Variants in DBN1 observed in about 807,000 individuals in gnomAD.
The protein encoded by DBN1 is drebrin 1.
DBN1 carries 21 observed loss-of-function variants against 83.5 expected under a neutral mutation model. The observed-to-expected ratio is 0.25, with a 90% confidence interval of 0.18 to 0.36. DBN1 has a LOEUF of 0.36. Among genes scored for constraint, DBN1 ranks in the 10% least tolerant of loss-of-function variants. DBN1 has a pLI of 1.00. For synonymous variants in DBN1, 381 were observed against 384.9 expected (o/e 0.99, Z 0.12); for missense variants, 874 against 935.7 (o/e 0.93, Z 0.86).
At position 177,458,140 on chromosome 5, in the gene DBN1, G is replaced by A. The variant is rs1392786253; in HGVS notation, c.1832C>T (p.Ala611Val). 6.2e-6 allele frequency: 10 copies of A among 1,613,220 alleles called. No individual in the cohort carries two copies. The highest frequency in any genetic ancestry group is 8.5e-6 in the Non-Finnish European group (10 of 1,179,750). ...AAPQTPTLPS[A>V]LEELEQEQEP... The stretch of plus-strand genomic sequence containing the variant: ...CTGCTCTTGCTCCAGCTCCTCAAGG[G>A]CTGAGGGCAGAGTTGGGGTCTGGGG... Residue 611 changes from alanine to valine, a missense_variant, in exon 13 of 15, where the codon GCC (alanine) becomes GTC (valine). Coordinates refer to ENST00000393565, the MANE Select transcript of DBN1 (RefSeq NM_001363541.2).
Position 177,467,338 on chromosome 5 carries a change from G to A in DBN1, c.478-6C>T, listed in dbSNP as rs575566723. On this transcript the variant is annotated splice_region_variant and splice_polypyrimidine_tract_variant and intron_variant, in intron 5 of 14. Coordinates refer to ENST00000393565, the MANE Select transcript of DBN1 (RefSeq NM_001363541.2). The surrounding 1 kb of genome is among the most constrained non-coding windows in gnomAD (Gnocchi z 9.1). ...GTCTTCTGGTAGGTGGTGCCCTGCA[G>A]TGTCGAAGGACCCAGCATAAGCAGG... The A allele has an allele frequency of 3.1e-6, 5 of 1,614,198 alleles. No individual in the cohort carries two copies. Among genetic ancestry groups the A allele is most frequent in the Admixed American group, 1.7e-5 (1 of 60,034 alleles).
intron 8 of DBN1, chr5:177,462,484 C>T (rs1476376971): frequency 1.2e-5 from 10 of 805,402 alleles, no homozygotes; most frequent in South Asian, 5.7e-5. Flanking sequence ...GCTTCCACCA[C>T]GATGACACCA....
chr5:177,462,199 C>G, intron 8 of DBN1: 1 of 984,986 alleles, frequency 1.0e-6, no homozygotes, highest in Non-Finnish European at 1.2e-6. Context: ...AACACCACCC[C>G]CTGCCGGCCC....
Position 177,466,873 on chromosome 5 carries a change from C to G in DBN1, c.707+38G>C, listed in dbSNP as rs751425088. On this transcript the variant is annotated intron_variant, in intron 7 of 14. Coordinates refer to ENST00000393565, the MANE Select transcript of DBN1 (RefSeq NM_001363541.2). This position sits in a 1 kb window ranked among gnomAD's most constrained non-coding sequence, Gnocchi z 4.8. ...GCAGCCAGCACCCGTCAGGGTGCGC[C>G]CGGGGGCCCCTGGAGCGCTCCGGGC... 13 of 1,613,666 alleles carry G rather than the reference C, an allele frequency of 8.1e-6. No homozygotes were observed. The highest frequency in any genetic ancestry group is 2.7e-5 in the African/African-American group (2 of 74,890).
chr5:177,459,067 A>T, intron 12 of DBN1, 31 bp downstream of exon 12: 1 of 1,572,138 alleles, frequency 6.4e-7, no homozygotes, highest in Admixed American at 1.9e-5. Flanking sequence ...TGATGATGGG[A>T]GGCCTGGTGC....
chr5:177,464,708 G>A (rs185699545), intron 8 of DBN1, among the ~76,000 whole-genome samples: 5 of 152,092 alleles, frequency 3.3e-5, no homozygotes, highest in East Asian at 1.9e-4. Context: ...TTGTGAGGCC[G>A]GCGGGTGGAT....
chr5:177,464,965 T>C (rs183952962), intron 8 of DBN1, among the ~76,000 whole-genome samples: 8 of 150,462 alleles, frequency 5.3e-5, no homozygotes, highest in East Asian at 3.9e-4. Context: ...CCACCCTGGC[T>C]AACATGGTGA....
At position 177,467,558 on chromosome 5, in the gene DBN1, A is replaced by C. The variant is rs755979777; in HGVS notation, c.400T>G (p.Ser134Ala). The C allele has an allele frequency of 1.9e-6, 3 of 1,565,296 alleles. No homozygotes were observed. In the African/African-American group the frequency reaches 4.1e-5, roughly 21 times the overall value. ...CTGGAGAGTCGCGCCAGCCCGTTAG[A>C]GAGCCGCTGCCCGATGGCACCCGCG... ...IDAGAIGQRLSNGLARLSSPV... is the reference protein window; with the variant it reads ...IDAGAIGQRLANGLARLSSPV... Residue 134 changes from serine (S) to alanine (A), a missense_variant, in exon 5 of 15, where the codon TCT becomes GCT. By Grantham distance (99) the Ser-to-Ala change is moderately conservative. This residue lies in a region of DBN1 where 65 missense variants were observed against 97.3 expected (regional missense o/e 0.67). Transcript: ENST00000393565. This position sits in a 1 kb window ranked among gnomAD's most constrained non-coding sequence, Gnocchi z 9.1.
intron 2 of DBN1, chr5:177,468,596 T>C: frequency 4.6e-6 from 2 of 430,810 alleles, no homozygotes; most frequent in Non-Finnish European, 8.2e-6. Context: ...CCCAGCTGTG[T>C]GGCTTCAGAT....
chr5:177,466,142 C>A lies in DBN1; in HGVS notation c.771+630G>T, dbSNP rs1757428350. 6.6e-6 allele frequency among the ~76,000 whole-genome samples: 1 copy of A among 152,158 alleles called. No homozygotes were observed. Among genetic ancestry groups the A allele is most frequent in the Admixed American group, 6.5e-5 (1 of 15,280 alleles). On this transcript the variant is annotated intron_variant, in intron 8 of 14. Transcript: ENST00000393565. This position sits in a 1 kb window ranked among gnomAD's most constrained non-coding sequence, Gnocchi z 4.8. Reference sequence around the variant, plus strand: ...CAGCCATGCATCTGCCCATTACAGTCCCAATCCAGATGAGTATCAACCCAC... The same window carrying A: ...CAGCCATGCATCTGCCCATTACAGTACCAATCCAGATGAGTATCAACCCAC...
At chr5:177,464,207 G>A (rs1757246194) in intron 8 of DBN1, among the ~76,000 whole-genome samples, 2 of 150,324 alleles carry the variant, frequency 1.3e-5, no homozygotes, top group South Asian at 4.2e-4. Context: ...CAGGACTTTG[G>A]GAGGCCGAGA....
intron 8 of DBN1, among the ~76,000 whole-genome samples, chr5:177,465,889 T>C (rs1040892943): frequency 1.3e-5 from 2 of 151,410 alleles, no homozygotes; most frequent in Non-Finnish European, 2.9e-5. Context: ...AATCAACTTA[T>C]GAAAAAAAGA....
chr5:177,468,045 CG>C (rs1195542864), intron 3 of DBN1, 62 bp downstream of exon 3: 771 of 685,278 alleles, frequency 1.1e-3, no homozygotes, highest in Non-Finnish European at 1.3e-3. Flanking sequence ...CAGCCCCGGC[CG>C]CATACCCAGT....
Position 177,467,499 on chromosome 5 carries a change from A to T in DBN1, c.459T>A (p.Asp153Glu). 2 of 1,583,952 alleles carry T rather than the reference A, an allele frequency of 1.3e-6. No homozygotes were observed. The highest frequency in any genetic ancestry group is 1.7e-6 in the Non-Finnish European group (2 of 1,164,474). ...PVLHRLRLREDENAEPVGTTY... is the reference protein window; with the variant it reads ...PVLHRLRLREEENAEPVGTTY... ...CACTAACCACGGGCTCTGCGTTCTCATCCTCTCGCAGCCGCAGTCGGTGCA... is the reference window on the plus strand; with the variant it reads ...CACTAACCACGGGCTCTGCGTTCTCTTCCTCTCGCAGCCGCAGTCGGTGCA... The change falls in exon 5 of 15, where the codon GAT (aspartate) becomes GAA (glutamate). Residue 153 changes from aspartate (D) to glutamate (E), a missense_variant. Asp to Glu is a conservative substitution (Grantham distance 45). Coordinates refer to ENST00000393565, the MANE Select transcript of DBN1 (RefSeq NM_001363541.2). The surrounding 1 kb of genome is among the most constrained non-coding windows in gnomAD (Gnocchi z 9.1).
At chr5:177,457,889 G>C (rs761958205) in intron 13 of DBN1, 132 bp from the exon 14 acceptor site, 3 of 1,107,270 alleles carry the variant, frequency 2.7e-6, no homozygotes, top group Non-Finnish European at 4.0e-6. Flanking sequence ...TGCCTGCCTT[G>C]GGAACAAAAG....
At position 177,458,639 on chromosome 5, in the gene DBN1, C is replaced by T. The variant is rs778345277; in HGVS notation, c.1333G>A (p.Gly445Ser). ...GCCTGAGGGGGCTCCTCCATGGGGC[C>T]GGCCCAGGCCTGAGGGGCTGCTGCT... Reference protein sequence around the residue: ...TRAAAPQAWAGPMEEPPQAQA... With the variant: ...TRAAAPQAWASPMEEPPQAQA... Residue 445 changes from glycine to serine, a missense_variant, in exon 13 of 15, where the codon GGC (glycine) becomes AGC (serine). Physicochemically the swap from Gly to Ser is moderately conservative, Grantham distance 56 (BLOSUM62 0). Transcript: ENST00000393565. 39 of 1,597,872 alleles carry T rather than the reference C, an allele frequency of 2.4e-5. No individual in the cohort carries two copies. Among genetic ancestry groups the T allele is most frequent in the East Asian group, 1.3e-4 (6 of 44,820 alleles).
At position 177,457,281 on chromosome 5, in the gene DBN1, G is replaced by T; in HGVS notation, c.*152C>A. ...AAAAGCTGTAAAAGTCAGGCCCTGT[G>T]GGTAGGGAAGCGGCCAAGTCCCCAG... On this transcript the variant is annotated 3_prime_UTR_variant, in exon 15 of 15. Transcript: ENST00000393565. The T allele has an allele frequency of 1.4e-6, 1 of 694,678 alleles. No individual in the cohort carries two copies. Among genetic ancestry groups the T allele is most frequent in the Non-Finnish European group, 2.6e-6 (1 of 384,498 alleles). 43.0% of individuals were successfully genotyped at this position (694,678 alleles called of 1,614,324 possible).
At chr5:177,464,133 AAAAAT>A (rs929837472) in intron 8 of DBN1, among the ~76,000 whole-genome samples, 1 of 151,110 alleles carries the variant, frequency 6.6e-6, no homozygotes, top group African/African-American at 2.4e-5. Flanking sequence ...ATAAATAAAT[AAAAAT>A]AAATAAATAA....
At position 177,473,427 on chromosome 5, in the gene DBN1, G is replaced by C; in HGVS notation, c.86+9C>G. 1 of 1,395,850 alleles carries C rather than the reference G, an allele frequency of 7.2e-7. No homozygotes were observed. The highest frequency in any genetic ancestry group is 9.4e-7 in the Non-Finnish European group (1 of 1,059,510). The allele number at this position is 1,395,850 out of a possible 1,614,324, so 86.5% of individuals were successfully genotyped here. On this transcript the variant is annotated intron_variant, in intron 1 of 14. Transcript: ENST00000393565. ...ACAAAGGGGCCGGGGGCGGGGGCGG[G>C]GGGCTCACCAGTCGGCCGCGCTCTC...
Sources: allele counts gnomAD v4.1 joint callset (sites outside exome capture counted in the v4.1 genomes callset), GRCh38; gene constraint gnomAD v4.1.1; regional missense constraint gnomAD v4.1.1; non-coding constraint Gnocchi (gnomAD v3.1); transcripts MANE v1.5; gene names NCBI Gene and HGNC (gene_info 2026-07-23, HGNC 2026-07-21).